NUMB: variants seen among roughly 807,000 people sequenced by gnomAD.
The protein encoded by NUMB is NUMB endocytic adaptor protein, also known as protein numb homolog.
NUMB carries 29 observed loss-of-function variants against 59.7 expected under a neutral mutation model. That is an observed-to-expected ratio of 0.49 (90% CI 0.36 to 0.66). The LOEUF is 0.66. Ranked by LOEUF, NUMB falls within the 30% of genes least tolerant of loss-of-function variation. NUMB has a pLI of 0.00. For missense variants in NUMB, 723 were observed against 822.0 expected (o/e 0.88, Z 1.47); for synonymous variants, 288 against 288.2 (o/e 1.00, Z 0.01).
rs1471802937 is a variant in NUMB, at chr14:73,287,102, G to A, written c.655+8C>T. The A allele has an allele frequency of 6.2e-7, 1 of 1,612,834 alleles. No homozygotes were observed. The highest frequency in any genetic ancestry group is 1.7e-5 in the Admixed American group (1 of 59,984). On this transcript the variant is annotated splice_region_variant and intron_variant, in intron 9 of 12. Coordinates refer to ENST00000555238, the MANE Select transcript of NUMB (RefSeq NM_001005743.2). ...TTCCATAAATACACACTGTAGAACAGATTGTACCTTTCTTGGCATCTTGCA... is the reference window on the plus strand; with the variant it reads ...TTCCATAAATACACACTGTAGAACAAATTGTACCTTTCTTGGCATCTTGCA...
chr14:73,296,278 A>G (rs184282511), intron 7 of NUMB, among the ~76,000 whole-genome samples: 42 of 152,254 alleles, frequency 2.8e-4, no homozygotes, highest in Non-Finnish European at 5.7e-4. Flanking sequence ...CCTCATCTGT[A>G]CCAAAAATAC....
intron 4 of NUMB, among the ~76,000 whole-genome samples, chr14:73,324,828 C>T (rs1891579985): frequency 6.6e-6 from 1 of 152,092 alleles, no homozygotes; most frequent in African/African-American, 2.4e-5. Flanking sequence ...AAGGAATTTA[C>T]CTCCCCTTTC....
chr14:73,303,780 C>T (rs2139865161), intron 6 of NUMB, among the ~76,000 whole-genome samples: 1 of 61,958 alleles, frequency 1.6e-5, no homozygotes, highest in East Asian at 6.1e-4. Flanking sequence ...ACAATAAAGA[C>T]AAAAATCCTT....
At chr14:73,457,317 T>C (rs1884451250) in intron 1 of NUMB, among the ~76,000 whole-genome samples, 2 of 152,216 alleles carry the variant, frequency 1.3e-5, no homozygotes, top group African/African-American at 4.8e-5. Context: ...AAATTTCTTT[T>C]CTAAAACAAG....
intron 6 of NUMB, among the ~76,000 whole-genome samples, chr14:73,301,909 C>A (rs888213231): frequency 1.3e-5 from 2 of 152,002 alleles, no homozygotes; most frequent in African/African-American, 4.8e-5. Context: ...GCTGAAACCC[C>A]ATATCTACTA....
At chr14:73,338,225 A>T (rs552831236) in intron 4 of NUMB, among the ~76,000 whole-genome samples, 1 of 152,180 alleles carries the variant, frequency 6.6e-6, no homozygotes, top group African/African-American at 2.4e-5. Context: ...ACTTTGAGGC[A>T]GCAATGAGCT....
intron 11 of NUMB, chr14:73,282,146 A>G (rs1007940190): frequency 5.8e-5 from 28 of 483,920 alleles, no homozygotes; most frequent in Admixed American, 3.2e-4. Context: ...AGATGGGCAC[A>G]TGCAGAATGA....
chr14:73,281,610 A>T (rs531918468), intron 11 of NUMB: 211 of 152,350 alleles, frequency 1.4e-3, no homozygotes, highest in African/African-American at 4.7e-3. Context: ...AGTTACATAA[A>T]TTCTTTGCTG....
chr14:73,347,634 T>G (rs1892986538), intron 4 of NUMB, among the ~76,000 whole-genome samples: 1 of 152,224 alleles, frequency 6.6e-6, no homozygotes. Context: ...TGAGGTTTCA[T>G]TTCTCACTTG....
chr14:73,314,686 T>A (rs539820549), intron 6 of NUMB, among the ~76,000 whole-genome samples: 273 of 152,220 alleles, frequency 1.8e-3, no homozygotes, highest in Non-Finnish European at 2.9e-3. Flanking sequence ...TGCTATAACC[T>A]GACCTTCATC....
intron 1 of NUMB, among the ~76,000 whole-genome samples, chr14:73,416,929 T>C (rs1407831631): frequency 1.3e-5 from 2 of 151,452 alleles, no homozygotes; most frequent in Admixed American, 1.3e-4. Context: ...CTGTACCCAT[T>C]GAAACCCCAA....
At chr14:73,353,883 G>A (rs997451654) in intron 4 of NUMB, among the ~76,000 whole-genome samples, 1 of 151,820 alleles carries the variant, frequency 6.6e-6, no homozygotes. Flanking sequence ...GAAAAAAAAA[G>A]TGTTCATTTT....
At chr14:73,340,237 T>G (rs144434236) in intron 4 of NUMB, among the ~76,000 whole-genome samples, 1 of 152,172 alleles carries the variant, frequency 6.6e-6, no homozygotes, top group Non-Finnish European at 1.5e-5. Flanking sequence ...GAATAGTAGA[T>G]TACGAAGACA....
chr14:73,279,008 G>GC (rs1048353266), intron 12 of NUMB, among the ~76,000 whole-genome samples: 19 of 152,146 alleles, frequency 1.2e-4, no homozygotes, highest in African/African-American at 4.3e-4. Context: ...ACAGGCATGT[G>GC]CCAACACACC....
chr14:73,350,078 T>TACATATAC (rs1555373557), intron 4 of NUMB, among the ~76,000 whole-genome samples: 1 of 137,698 alleles, frequency 7.3e-6, no homozygotes, highest in African/African-American at 2.9e-5. Context: ...CATACATACA[T>TACATATAC]ACACACACAC....
Position 73,277,060 on chromosome 14 carries a change from G to A in NUMB, c.1474C>T (p.Pro492Ser). ...FQGNAFLTSQ[P>S]VPVGVVPALQ... ...GCTGGGACCACACCCACTGGCACAGGCTGAGAGGTGAGGAATGCATTCCCT... is the reference window on the plus strand; with the variant it reads ...GCTGGGACCACACCCACTGGCACAGACTGAGAGGTGAGGAATGCATTCCCT... Residue 492 changes from proline to serine, a missense_variant, in exon 13 of 13, where the codon CCT (proline) becomes TCT (serine). Pro to Ser is a moderately conservative substitution (Grantham distance 74). Coordinates refer to ENST00000555238, the MANE Select transcript of NUMB (RefSeq NM_001005743.2). 1 of 1,614,132 alleles carries A rather than the reference G, an allele frequency of 6.2e-7. No individual in the cohort carries two copies. The highest frequency in any genetic ancestry group is 1.1e-5 in the South Asian group (1 of 91,086).
intron 6 of NUMB, among the ~76,000 whole-genome samples, chr14:73,303,142 C>A (rs372035597): frequency 6.6e-6 from 1 of 152,012 alleles, no homozygotes; most frequent in Non-Finnish European, 1.5e-5. Flanking sequence ...CCCTTGAACC[C>A]GGGAGGTGGA....
At chr14:73,344,587 T>C (rs1892810260) in intron 4 of NUMB, among the ~76,000 whole-genome samples, 1 of 152,230 alleles carries the variant, frequency 6.6e-6, no homozygotes. Context: ...ATCCTATTTA[T>C]ACATGTTGGC....
rs1316552406 is a variant in NUMB at position 73,287,077 on chromosome 14, T to A, written c.655+33A>T. The A allele has an allele frequency of 6.9e-6, 11 of 1,597,422 alleles. 1 individual carries two copies. Among genetic ancestry groups the A allele is most frequent in the Middle Eastern group, 3.3e-4 (2 of 6,034 alleles). On this transcript the variant is annotated intron_variant, in intron 9 of 12. Transcript: ENST00000555238. ...TAATACCTTGTTGGGAAAAACTGCATTCCATAAATACACACTGTAGAACAG... is the reference window on the plus strand; with the variant it reads ...TAATACCTTGTTGGGAAAAACTGCAATCCATAAATACACACTGTAGAACAG...
Sources: allele counts gnomAD v4.1 joint callset (sites outside exome capture counted in the v4.1 genomes callset), GRCh38; gene constraint gnomAD v4.1.1; transcripts MANE v1.5; gene names NCBI Gene and HGNC (gene_info 2026-07-23, HGNC 2026-07-21).